The following NALF1 variants were observed in gnomAD, a reference collection of about 807,000 sequenced individuals.
NALF1 encodes the protein family with sequence similarity 155 member A.
Under a neutral mutation model 48.4 loss-of-function variants are expected in NALF1, and 3 were observed. The ratio of observed to expected loss-of-function variants is 0.06; its 90% CI spans 0.03 to 0.16. NALF1 has a LOEUF of 0.16. NALF1 is among the 10% of genes least tolerant of loss of function. The probability of loss-of-function intolerance (pLI) is 1.00; values close to 1 mark genes in which losing one functional copy is unlikely to be tolerated. For missense variants in NALF1, 526 were observed against 571.5 expected, an observed-to-expected ratio of 0.92 and a Z score of 0.81; for synonymous variants, 262 against 245.7, an observed-to-expected ratio of 1.07 and a Z score of -0.62.
At chr13:107,664,394 T>C (rs916259483) in intron 1 of NALF1, among the ~76,000 whole-genome samples, 1 of 152,160 alleles carries the variant, frequency 6.6e-6, no homozygotes, top group Admixed American at 6.6e-5. Context: ...ACTGACACTC[T>C]TGCTACGCTT....
intron 1 of NALF1, among the ~76,000 whole-genome samples, chr13:107,685,073 G>A (rs1257072389): frequency 2.6e-5 from 4 of 152,152 alleles, no homozygotes; most frequent in African/African-American, 4.8e-5. Flanking sequence ...CCAGCACTTT[G>A]GGAGGCCAAG....
chr13:107,866,424 A>G lies in NALF1; in HGVS notation c.173T>C (p.Phe58Ser). ...FTVLLSDHLW[F>S]CAEAKLTRAR... ...CCGGGTCAGCTTGGCCTCGGCGCAG[A>G]ACCACAAGTGATCAGAGAGCAGGAC... is the stretch of plus-strand genomic sequence containing the variant. Residue 58 changes from phenylalanine to serine, a missense_variant, in exon 1 of 3, where the codon TTC becomes TCC. By Grantham distance (155) the Phe-to-Ser change is radical. This residue lies in a region of NALF1 where 373 missense variants were observed against 355.5 expected (regional missense o/e 1.05). Transcript: ENST00000375915. This position sits in a 1 kb window ranked among gnomAD's most constrained non-coding sequence, Gnocchi z 4.4. The G allele has an allele frequency of 6.2e-7, 1 of 1,614,072 alleles. No individual in the cohort carries two copies. Among genetic ancestry groups the G allele is most frequent in the Non-Finnish European group, 8.5e-7 (1 of 1,180,010 alleles).
intron 1 of NALF1, among the ~76,000 whole-genome samples, chr13:107,583,243 A>G (rs1429101583): frequency 6.6e-6 from 1 of 152,048 alleles, no homozygotes; most frequent in African/African-American, 2.4e-5. Flanking sequence ...TATAAATTTT[A>G]AGATTTACAA....
At chr13:107,643,828 T>C (rs941543135) in intron 1 of NALF1, among the ~76,000 whole-genome samples, 1 of 152,096 alleles carries the variant, frequency 6.6e-6, no homozygotes, top group Non-Finnish European at 1.5e-5. Context: ...CTTCTGATAA[T>C]TCACTTCCTG....
At chr13:107,623,969 A>T (rs960825942) in intron 1 of NALF1, among the ~76,000 whole-genome samples, 1 of 152,192 alleles carries the variant, frequency 6.6e-6, no homozygotes, top group African/African-American at 2.4e-5. Flanking sequence ...ATGTCAAAAC[A>T]TAACCTGACT....
At chr13:107,642,203 A>G (rs1460825743) in intron 1 of NALF1, among the ~76,000 whole-genome samples, 2 of 152,214 alleles carry the variant, frequency 1.3e-5, no homozygotes, top group Non-Finnish European at 2.9e-5. Flanking sequence ...GGTAGGAGGA[A>G]GTAGTTGCCA....
intron 1 of NALF1, among the ~76,000 whole-genome samples, chr13:107,684,772 G>A (rs544559271): frequency 2.6e-5 from 4 of 152,244 alleles, no homozygotes; most frequent in East Asian, 1.9e-4. Flanking sequence ...TTATCAACAC[G>A]CACAGATGTT....
intron 1 of NALF1, among the ~76,000 whole-genome samples, chr13:107,572,141 C>T (rs1182594713): frequency 1.3e-5 from 2 of 152,054 alleles, no homozygotes; most frequent in African/African-American, 4.8e-5. Context: ...TGCATAAATA[C>T]ATTCATATTA....
At chr13:107,733,480 G>C (rs1405070796) in intron 1 of NALF1, among the ~76,000 whole-genome samples, 2 of 152,134 alleles carry the variant, frequency 1.3e-5, no homozygotes, top group Non-Finnish European at 2.9e-5. Context: ...TGGCCATATG[G>C]AAGATTTCAA....
At chr13:107,626,377 T>A (rs1348824782) in intron 1 of NALF1, among the ~76,000 whole-genome samples, 1 of 151,790 alleles carries the variant, frequency 6.6e-6, no homozygotes, top group Admixed American at 6.6e-5. Context: ...AAACTAGCAA[T>A]AGAACTACCA....
intron 1 of NALF1, among the ~76,000 whole-genome samples, chr13:107,328,293 C>T (rs997047192): frequency 1.3e-4 from 20 of 151,812 alleles, no homozygotes; most frequent in African/African-American, 3.9e-4. Flanking sequence ...CACACACACA[C>T]ACACACACAC....
At chr13:107,796,075 A>AT (rs1035178970) in intron 1 of NALF1, among the ~76,000 whole-genome samples, 1 of 152,148 alleles carries the variant, frequency 6.6e-6, no homozygotes, top group Non-Finnish European at 1.5e-5. Flanking sequence ...TGGTTAAGGC[A>AT]TTTTTTAACA....
At chr13:107,488,450 C>T (rs2139067045) in intron 1 of NALF1, among the ~76,000 whole-genome samples, 1 of 152,064 alleles carries the variant, frequency 6.6e-6, no homozygotes, top group East Asian at 1.9e-4. Flanking sequence ...TAGTTGTGTT[C>T]CAGAGATTCT....
chr13:107,325,887 T>TATATATATATATATACAC (rs752320518), intron 1 of NALF1, among the ~76,000 whole-genome samples: 6 of 58,900 alleles, frequency 1.0e-4, no homozygotes, highest in East Asian at 4.7e-4. Context: ...TATATATATA[T>TATATATATATATATACAC]ACACACACAC....
intron 1 of NALF1, among the ~76,000 whole-genome samples, chr13:107,276,408 A>G (rs1375863444): frequency 6.6e-6 from 1 of 152,230 alleles, no homozygotes; most frequent in Non-Finnish European, 1.5e-5. Flanking sequence ...CCCACAGAAC[A>G]TGTCCCAACA....
chr13:107,201,503 C>G (rs9520321), intron 2 of NALF1, among the ~76,000 whole-genome samples: 69,075 of 151,416 alleles, frequency 0.46, 16,462 homozygotes, highest in Non-Finnish European at 0.54. Flanking sequence ...TGTGAACCCG[C>G]GAGGGGGAGC....
At chr13:107,835,583 C>T (rs1879865383) in intron 1 of NALF1, 1 of 152,064 alleles carries the variant, frequency 6.6e-6, no homozygotes, top group Non-Finnish European at 1.5e-5. Context: ...TACAAAACTA[C>T]ACAGTTAGGT....
At chr13:107,715,837 T>G (rs1267109817) in intron 1 of NALF1, among the ~76,000 whole-genome samples, 1 of 152,224 alleles carries the variant, frequency 6.6e-6, no homozygotes, top group Admixed American at 6.5e-5. Context: ...TTTGAAATGT[T>G]TTTAAAATGA....
At chr13:107,212,454 T>C (rs748578975) in intron 1 of NALF1, among the ~76,000 whole-genome samples, 19 of 152,180 alleles carry the variant, frequency 1.2e-4, no homozygotes, top group Non-Finnish European at 1.9e-4. Context: ...AGAATTCTTA[T>C]GCCAACTGGG....
Sources: allele counts gnomAD v4.1 joint callset (sites outside exome capture counted in the v4.1 genomes callset), GRCh38; gene constraint gnomAD v4.1.1; regional missense constraint gnomAD v4.1.1; non-coding constraint Gnocchi (gnomAD v3.1); transcripts MANE v1.5; gene names NCBI Gene and HGNC (gene_info 2026-07-23, HGNC 2026-07-21).